The following IGSF21 variants were observed in gnomAD, a reference collection of about 807,000 sequenced individuals.
IGSF21 encodes the protein immunoglobulin superfamily member 21.
IGSF21 carries 28 observed loss-of-function variants against 46.8 expected under a neutral mutation model. The ratio of observed to expected loss-of-function variants is 0.60; its 90% CI spans 0.44 to 0.82. The LOEUF (loss-of-function observed/expected upper bound fraction) is 0.82. Ranked by LOEUF, IGSF21 falls within the 40% of genes least tolerant of loss-of-function variation. The pLI is 0.00. For synonymous variants in IGSF21, 284 were observed against 273.6 expected, an observed-to-expected ratio of 1.04 and a Z score of -0.38; for missense variants, 624 against 665.5, an observed-to-expected ratio of 0.94 and a Z score of 0.69.
chr1:18,228,115 AC>A, intron 2 of IGSF21, 105 bp downstream of exon 2: 1 of 852,990 alleles, frequency 1.2e-6, no homozygotes, highest in Non-Finnish European at 1.9e-6. Context: ...CTCAGCCCTG[AC>A]CCAGTCCTGA....
At chr1:18,111,079 C>G (rs1356563171) in intron 1 of IGSF21, 2 of 152,290 alleles carry the variant, frequency 1.3e-5, no homozygotes, top group African/African-American at 2.4e-5. Flanking sequence ...ACCGCAACGC[C>G]GAGACTGCGG....
chr1:18,188,942 C>T (rs1358630434), intron 1 of IGSF21, among the ~76,000 whole-genome samples: 2 of 152,226 alleles, frequency 1.3e-5, no homozygotes, highest in Non-Finnish European at 2.9e-5. Context: ...CTCCCACAAA[C>T]CCTCTGCTGC....
chr1:18,145,225 G>T (rs2086454656), intron 1 of IGSF21, among the ~76,000 whole-genome samples: 1 of 151,986 alleles, frequency 6.6e-6, no homozygotes, highest in Admixed American at 6.5e-5. Flanking sequence ...GTTATCCTCG[G>T]AGTCATTTTT....
chr1:18,271,779 C>A (rs75995243), intron 2 of IGSF21, among the ~76,000 whole-genome samples: 22,814 of 152,178 alleles, frequency 0.15, 1,914 homozygotes, highest in Non-Finnish European at 0.19. Context: ...AAAGCCCCAG[C>A]CCCTCAGGGC....
At chr1:18,121,678 G>A (rs994848139) in intron 1 of IGSF21, among the ~76,000 whole-genome samples, 7 of 152,124 alleles carry the variant, frequency 4.6e-5, no homozygotes, top group Non-Finnish European at 8.8e-5. Context: ...GCCCTGCCCC[G>A]ATGCAGGTCC....
intron 2 of IGSF21, among the ~76,000 whole-genome samples, chr1:18,232,182 C>G (rs2084634000): frequency 7.2e-6 from 1 of 137,966 alleles, no homozygotes; most frequent in South Asian, 2.4e-4. Flanking sequence ...TTCATCTTCA[C>G]AGCTCATATA....
chr1:18,200,500 G>A (rs574578616), intron 1 of IGSF21, among the ~76,000 whole-genome samples: 1 of 152,134 alleles, frequency 6.6e-6, no homozygotes, highest in Non-Finnish European at 1.5e-5. Context: ...TGCAATTCTT[G>A]GTGTTTGGTG....
chr1:18,165,223 T>C (rs755566044), intron 1 of IGSF21, among the ~76,000 whole-genome samples: 1 of 152,108 alleles, frequency 6.6e-6, no homozygotes, highest in Non-Finnish European at 1.5e-5. Context: ...ACTGGGTGGT[T>C]TAAACAACAG....
At chr1:18,372,620 GGATGGATGGATA>G (rs1051288212) in intron 6 of IGSF21, among the ~76,000 whole-genome samples, 17 of 141,786 alleles carry the variant, frequency 1.2e-4, no homozygotes, top group African/African-American at 3.1e-4. Flanking sequence ...GTGGATGTTT[GGATGGATGGATA>G]GATGGATGGA....
chr1:18,199,610 G>A (rs2087047398), intron 1 of IGSF21, among the ~76,000 whole-genome samples: 1 of 152,132 alleles, frequency 6.6e-6, no homozygotes, highest in Non-Finnish European at 1.5e-5. Context: ...ATGGGAAGCT[G>A]TGCCTGTGCC....
intron 2 of IGSF21, among the ~76,000 whole-genome samples, chr1:18,255,048 CA>C (rs1296866235): frequency 1.9e-4 from 29 of 152,338 alleles, no homozygotes; most frequent in Middle Eastern, 3.4e-3. Flanking sequence ...TTTGAAGCCA[CA>C]AGGTGAAATA....
At chr1:18,348,416 C>T (rs1050575592) in intron 4 of IGSF21, among the ~76,000 whole-genome samples, 4 of 152,188 alleles carry the variant, frequency 2.6e-5, no homozygotes, top group Admixed American at 1.3e-4. Context: ...TCCCAGGCCC[C>T]GCCAGAGCAG....
chr1:18,237,087 A>G (rs2084680094), intron 2 of IGSF21, among the ~76,000 whole-genome samples: 1 of 152,234 alleles, frequency 6.6e-6, no homozygotes, highest in African/African-American at 2.4e-5. Flanking sequence ...CATTCATAAA[A>G]TTACAAGCCC....
intron 7 of IGSF21, 63 bp from the exon 8 acceptor site, chr1:18,376,737 C>A: frequency 6.7e-7 from 1 of 1,490,468 alleles, no homozygotes; most frequent in South Asian, 1.3e-5. Flanking sequence ...AGCCCCTGAC[C>A]CCTTGCTGAT....
intron 2 of IGSF21, among the ~76,000 whole-genome samples, chr1:18,240,572 A>G (rs1361756202): frequency 6.6e-6 from 1 of 152,168 alleles, no homozygotes; most frequent in Non-Finnish European, 1.5e-5. Context: ...GTCTAGCATG[A>G]TGCTGAGCAC....
intron 5 of IGSF21, among the ~76,000 whole-genome samples, chr1:18,362,665 A>G (rs1160826906): frequency 6.6e-6 from 1 of 152,190 alleles, no homozygotes; most frequent in Non-Finnish European, 1.5e-5. Flanking sequence ...TGGCATTCCC[A>G]GGAGCCCACA....
At position 18,151,776 on chromosome 1, in the gene IGSF21, G is replaced by A. The variant is rs570419182; in HGVS notation, c.70+43578G>A. On this transcript the variant is annotated intron_variant, in intron 1 of 9. Coordinates refer to ENST00000251296, the MANE Select transcript of IGSF21 (RefSeq NM_032880.5). ...AAATACGGAGAAGCTCATGGATATT[G>A]GTGAAAACTGACAGTTTCTGCCCCA... Among the ~76,000 whole-genome samples, 34 of 152,226 alleles carry A rather than the reference G, an allele frequency of 2.2e-4. 1 individual carries two copies. The highest frequency in any genetic ancestry group is 5.9e-4 in the Admixed American group (9 of 15,292).
At chr1:18,359,613 G>T (rs2086078987) in intron 4 of IGSF21, among the ~76,000 whole-genome samples, 2 of 152,194 alleles carry the variant, frequency 1.3e-5, no homozygotes, top group African/African-American at 4.8e-5. Flanking sequence ...GGAGTCGCCT[G>T]CCTGGTTCTG....
At chr1:18,185,565 C>A (rs1005482300) in intron 1 of IGSF21, among the ~76,000 whole-genome samples, 1 of 152,152 alleles carries the variant, frequency 6.6e-6, no homozygotes, top group Non-Finnish European at 1.5e-5. Flanking sequence ...TTACACTGGG[C>A]AGATCTGAGT....
Sources: allele counts gnomAD v4.1 joint callset (sites outside exome capture counted in the v4.1 genomes callset), GRCh38; gene constraint gnomAD v4.1.1; transcripts MANE v1.5; gene names NCBI Gene and HGNC (gene_info 2026-07-23, HGNC 2026-07-21).